ATRX: variants seen among roughly 807,000 people sequenced by gnomAD.
ATRX encodes the protein chromatin remodeler ATRX.
A neutral mutation model predicts 172.6 loss-of-function variants in ATRX; 12 were observed. The observed-to-expected ratio is 0.07, with a 90% CI of 0.04 to 0.11. The LOEUF is 0.11. Ranked by LOEUF, ATRX falls within the 10% of genes least tolerant of loss-of-function variation. The pLI is 1.00. For missense variants in ATRX, 1,368 were observed against 1,767.4 expected, an observed-to-expected ratio of 0.77 and a Z score of 4.05; for synonymous variants, 674 against 594.7, an observed-to-expected ratio of 1.13 and a Z score of -1.94.
At chrX:77,779,815 A>G (rs1018499696) in intron 1 of ATRX, among the ~76,000 whole-genome samples, 1 of 112,221 alleles carries the variant, frequency 8.9e-6, no homozygotes, top group Non-Finnish European at 1.9e-5. Context: ...ATAATTTCTT[A>G]ACAAATATTG....
chrX:77,693,659 C>T, intron 6 of ATRX, 165 bp downstream of exon 6: 1 of 457,179 alleles, frequency 2.2e-6, no homozygotes, highest in South Asian at 3.1e-5. Flanking sequence ...TGGTGCTTAA[C>T]CTTTTCTGCT....
chrX:77,683,800 T>C lies in ATRX; in HGVS notation c.1456A>G (p.Asn486Asp), dbSNP rs2148622110. ...TTATGTTCACCACCGGTACTTTTAT[T>C]TGTTCTTTGTTCCTCTGTTGGAACA... ...QNVPTEEQRTNKSTGGEHKKS... is the reference protein window; with the variant it reads ...QNVPTEEQRTDKSTGGEHKKS... Residue 486 changes from asparagine to aspartate, a missense_variant, in exon 9 of 35, where the codon AAT becomes GAT. Asn to Asp is a conservative substitution (Grantham distance 23). Transcript: ENST00000373344. The C allele has an allele frequency of 8.3e-7, 1 of 1,210,461 alleles. No homozygotes were observed.
At chrX:77,661,905 C>T (rs2069930158) in intron 12 of ATRX, among the ~76,000 whole-genome samples, 1 of 111,216 alleles carries the variant, frequency 9.0e-6, no homozygotes, top group African/African-American at 3.3e-5. Context: ...CCTTTCCCTA[C>T]TCCTATCTAT....
intron 17 of ATRX, 24 bp downstream of exon 17, chrX:77,634,570 A>G (rs2068260071): frequency 2.7e-6 from 3 of 1,129,231 alleles, no homozygotes; most frequent in Non-Finnish European, 3.7e-6. Flanking sequence ...AAAACAGGAT[A>G]CCTTCATATT....
chrX:77,606,961 A>C (rs187993489), intron 22 of ATRX, among the ~76,000 whole-genome samples: 1 of 111,583 alleles, frequency 9.0e-6, no homozygotes, highest in East Asian at 2.8e-4. Flanking sequence ...AGCCCTAAAA[A>C]ACTGGGTATC....
rs1478989105 is a variant in ATRX, at chrX:77,683,971, T to C, written c.1285A>G (p.Thr429Ala). The C allele has an allele frequency of 2.5e-6, 3 of 1,209,024 alleles. No individual in the cohort carries two copies. Among genetic ancestry groups the C allele is most frequent in the Non-Finnish European group, 3.4e-6 (3 of 894,311 alleles). Residue 429 changes from threonine (T) to alanine (A), a missense_variant, in exon 9 of 35, where the codon ACC becomes GCC. Transcript: ENST00000373344. ...AMDAVNKEKN[T>A]KEHKVIDAKF... ...GCATCTATGACTTTATGCTCTTTGG[T>C]ATTTTTCTCTTTGTTTACAGCATCC... is the stretch of plus-strand genomic sequence containing the variant.
At chrX:77,740,888 G>A (rs1038806408) in intron 1 of ATRX, among the ~76,000 whole-genome samples, 1 of 111,008 alleles carries the variant, frequency 9.0e-6, no homozygotes, top group Admixed American at 9.7e-5. Context: ...GGCCGAGGAA[G>A]GTAGGATTGC....
intron 28 of ATRX, among the ~76,000 whole-genome samples, chrX:77,569,021 G>A (rs1417683273): frequency 2.7e-5 from 3 of 111,345 alleles, no homozygotes; most frequent in Non-Finnish European, 5.7e-5. Context: ...GGCTGAGGCA[G>A]GAGGATCCCT....
At chrX:77,511,209 G>T (rs1368037475) in intron 34 of ATRX, among the ~76,000 whole-genome samples, 2 of 111,887 alleles carry the variant, frequency 1.8e-5, no homozygotes, top group Non-Finnish European at 3.8e-5. Flanking sequence ...ACCTCTATGA[G>T]TCTCCAAGAC....
At chrX:77,647,568 C>T (rs2068982968) in intron 15 of ATRX, among the ~76,000 whole-genome samples, 2 of 111,437 alleles carry the variant, frequency 1.8e-5, no homozygotes, top group African/African-American at 6.5e-5. Flanking sequence ...ACAAATTTCA[C>T]GATAAAATTG....
chrX:77,617,432 C>T (rs1338495469), intron 21 of ATRX, among the ~76,000 whole-genome samples: 1 of 111,257 alleles, frequency 9.0e-6, no homozygotes, highest in Non-Finnish European at 1.9e-5. Context: ...CAAGTACAGT[C>T]ATGCCTCAGT....
At chrX:77,565,354 A>G (rs2065160676) in intron 28 of ATRX, among the ~76,000 whole-genome samples, 1 of 112,302 alleles carries the variant, frequency 8.9e-6, no homozygotes, top group Non-Finnish European at 1.9e-5. Flanking sequence ...GAACTTTCTC[A>G]TAATAAGAAC....
chrX:77,591,508 A>G (rs920663049), intron 26 of ATRX, among the ~76,000 whole-genome samples: 2 of 112,267 alleles, frequency 1.8e-5, no homozygotes, highest in Non-Finnish European at 3.8e-5. Flanking sequence ...TCCCTGCTAC[A>G]TATCTTCAGA....
intron 1 of ATRX, among the ~76,000 whole-genome samples, chrX:77,724,280 TAAATAAATAAA>T (rs2073927190): frequency 1.1e-5 from 1 of 92,495 alleles, no homozygotes; most frequent in Non-Finnish European, 2.2e-5. Context: ...CCATCTCAAA[TAAATAAATAAA>T]CAAATAAAGA....
intron 30 of ATRX, among the ~76,000 whole-genome samples, chrX:77,552,894 C>A: frequency 9.0e-6 from 1 of 110,888 alleles, no homozygotes; most frequent in Non-Finnish European, 1.9e-5. Context: ...GCTTTCGGGA[C>A]TACCAAAAGA....
chrX:77,522,677 C>T (rs1557042047), intron 31 of ATRX, among the ~76,000 whole-genome samples: 1 of 111,364 alleles, frequency 9.0e-6, no homozygotes, highest in Non-Finnish European at 1.9e-5. Flanking sequence ...AAGTTTGGTA[C>T]AATAAGTTAG....
intron 25 of ATRX, among the ~76,000 whole-genome samples, chrX:77,598,928 T>G: frequency 8.9e-6 from 1 of 112,377 alleles, no homozygotes; most frequent in Non-Finnish European, 1.9e-5. Context: ...TGATTAAAAT[T>G]AGTTTTACTG....
chrX:77,651,004 T>C (rs1283239042), intron 15 of ATRX, among the ~76,000 whole-genome samples: 32 of 110,712 alleles, frequency 2.9e-4, no homozygotes, highest in Non-Finnish European at 5.1e-4. Flanking sequence ...CCCAACTATT[T>C]ATAAACAGAA....
At chrX:77,547,868 A>G (rs1557054062) in intron 30 of ATRX, among the ~76,000 whole-genome samples, 1 of 111,377 alleles carries the variant, frequency 9.0e-6, no homozygotes, top group African/African-American at 3.3e-5. Context: ...TATCAAGCTT[A>G]ATTTTCTACT....
Sources: allele counts gnomAD v4.1 joint callset (sites outside exome capture counted in the v4.1 genomes callset), GRCh38; gene constraint gnomAD v4.1.1; transcripts MANE v1.5; gene names NCBI Gene and HGNC (gene_info 2026-07-23, HGNC 2026-07-21).